Variants in PIP4K2A observed in about 807,000 individuals in gnomAD.
PIP4K2A encodes the protein phosphatidylinositol-5-phosphate 4-kinase type 2 alpha.
Under a neutral mutation model 42.9 loss-of-function variants are expected in PIP4K2A, and 14 were observed. That is an observed-to-expected ratio of 0.33 (90% CI 0.22 to 0.51). The LOEUF (loss-of-function observed/expected upper bound fraction) is 0.51, where lower values mean the gene tolerates loss of function less well. PIP4K2A is among the 20% of genes least tolerant of loss of function. The pLI is 0.97. For synonymous variants in PIP4K2A, 192 were observed against 192.2 expected (o/e 1.00, Z 0.01); for missense variants, 434 against 519.8 (o/e 0.83, Z 1.61).
chr10:22,682,670 A>G (rs1371782085), intron 1 of PIP4K2A, among the ~76,000 whole-genome samples: 1 of 152,182 alleles, frequency 6.6e-6, no homozygotes, highest in Non-Finnish European at 1.5e-5. Context: ...CAGGCCCTCC[A>G]AAACCTCAGA....
At position 22,714,488 on chromosome 10, in the gene PIP4K2A, C is replaced by A. The variant is rs1833974269; in HGVS notation, c.-162G>T. ...CCGGCGCGCTCAGCCCCACTCGGCT[C>A]GCTCCGCCCGCTCGGCCCGGCAGAC... On this transcript the variant is annotated 5_prime_UTR_variant, in exon 1 of 10. Transcript: ENST00000376573. 1.0e-5 allele frequency: 2 copies of A among 200,512 alleles called. No individual in the cohort carries two copies. Among genetic ancestry groups the A allele is most frequent in the South Asian group, 1.7e-4 (1 of 6,010 alleles). The allele number at this position is 200,512 out of a possible 1,614,324, so 12.4% of individuals were successfully genotyped here. A position where few individuals can be genotyped will look rare whatever the true frequency, so the allele number is the denominator to read the frequency against.
chr10:22,561,747 A>G (rs1278703554), intron 6 of PIP4K2A, among the ~76,000 whole-genome samples: 1 of 151,364 alleles, frequency 6.6e-6, no homozygotes, highest in African/African-American at 2.4e-5. Context: ...AATTGTTTGT[A>G]GAGTTGGGGG....
At chr10:22,621,221 C>T (rs1177645038) in intron 1 of PIP4K2A, among the ~76,000 whole-genome samples, 3 of 152,196 alleles carry the variant, frequency 2.0e-5, no homozygotes, top group Non-Finnish European at 4.4e-5. Context: ...TTTCCAGAGA[C>T]AGAAACCAAT....
intron 6 of PIP4K2A, among the ~76,000 whole-genome samples, chr10:22,556,309 T>C (rs1230390869): frequency 6.6e-6 from 1 of 152,140 alleles, no homozygotes; most frequent in Non-Finnish European, 1.5e-5. Flanking sequence ...CAAACCTCAA[T>C]TGTGAATGCT....
At chr10:22,632,702 T>C (rs926507249) in intron 1 of PIP4K2A, among the ~76,000 whole-genome samples, 1 of 152,180 alleles carries the variant, frequency 6.6e-6, no homozygotes, top group African/African-American at 2.4e-5. Flanking sequence ...TTAATTTTAC[T>C]CCATGACCTG....
rs35358870 is a variant in PIP4K2A, at chr10:22,539,912, GGAGAGAGA to G, written c.1140+51_1140+58del. 143 of 452,200 alleles carry G rather than the reference GGAGAGAGA, an allele frequency of 3.2e-4. 1 individual carries two copies. Among genetic ancestry groups the G allele is most frequent in the South Asian group, 2.3e-3 (72 of 30,736 alleles). The allele number at this position is 452,200 out of a possible 1,614,324, so 28.0% of individuals were successfully genotyped here. A position where few individuals can be genotyped will look rare whatever the true frequency, so the allele number is the denominator to read the frequency against. ...GAGAGAGAGAGAGAGAGAGAGAGAGGGAGAGAGAGAGAGAGAGAGGGAGAGAAAGAGAG... is the reference window on the plus strand; with the variant it reads ...GAGAGAGAGAGAGAGAGAGAGAGAGGGAGAGAGAGAGGGAGAGAAAGAGAG... On this transcript the variant is annotated intron_variant, in intron 9 of 9. Coordinates refer to ENST00000376573, the MANE Select transcript of PIP4K2A (RefSeq NM_005028.5).
chr10:22,603,775 G>A (rs558146428), intron 3 of PIP4K2A, among the ~76,000 whole-genome samples: 11 of 152,224 alleles, frequency 7.2e-5, no homozygotes, highest in East Asian at 3.9e-4. Flanking sequence ...ACAGGACTGC[G>A]GCTATAGTCA....
intron 7 of PIP4K2A, among the ~76,000 whole-genome samples, chr10:22,549,958 G>A (rs1418960970): frequency 6.6e-6 from 1 of 151,052 alleles, no homozygotes; most frequent in African/African-American, 2.4e-5. Context: ...TGGAAAAGCT[G>A]CAATGCCTTT....
intron 7 of PIP4K2A, among the ~76,000 whole-genome samples, chr10:22,546,883 C>T (rs779661872): frequency 6.6e-6 from 1 of 152,182 alleles, no homozygotes; most frequent in Non-Finnish European, 1.5e-5. Context: ...TATATTTGTT[C>T]TTTAAGTTTT....
Position 22,557,998 on chromosome 10 carries a change from T to G in PIP4K2A, c.679-7226A>C, listed in dbSNP as rs971313901. ...TAATACATATCATAGTACTCTGTGATTAAAGGACTTGTATTTCGGAATGAA... is the reference window on the plus strand; with the variant it reads ...TAATACATATCATAGTACTCTGTGAGTAAAGGACTTGTATTTCGGAATGAA... On this transcript the variant is annotated intron_variant, in intron 6 of 9. Transcript: ENST00000376573. Among the ~76,000 whole-genome samples the G allele has an allele frequency of 2.0e-5, 3 of 152,344 alleles. No individual in the cohort carries two copies. In the South Asian group the frequency reaches 6.2e-4, roughly 32 times the overall value.
intron 1 of PIP4K2A, among the ~76,000 whole-genome samples, chr10:22,628,868 G>A (rs563730802): frequency 6.6e-6 from 1 of 152,302 alleles, no homozygotes; most frequent in African/African-American, 2.4e-5. Flanking sequence ...GATCTGTGTT[G>A]AGGTTAATGC....
chr10:22,609,787 A>T, intron 1 of PIP4K2A, 70 bp from the exon 2 acceptor site: 1 of 885,312 alleles, frequency 1.1e-6, no homozygotes, highest in Middle Eastern at 2.7e-4. Context: ...TTGAATGTGT[A>T]CCTTGGGAAA....
chr10:22,563,443 A>C (rs1317806510), intron 6 of PIP4K2A, among the ~76,000 whole-genome samples: 1 of 152,264 alleles, frequency 6.6e-6, no homozygotes, highest in African/African-American at 2.4e-5. Flanking sequence ...TTTTGCTAAC[A>C]TAGTATGGAA....
At chr10:22,624,840 T>C (rs1468825968) in intron 1 of PIP4K2A, among the ~76,000 whole-genome samples, 1 of 152,222 alleles carries the variant, frequency 6.6e-6, no homozygotes, top group African/African-American at 2.4e-5. Context: ...TTGTTATCTT[T>C]TTGCCAAAAA....
chr10:22,596,599 G>A (rs911200240), intron 3 of PIP4K2A, among the ~76,000 whole-genome samples: 2 of 152,218 alleles, frequency 1.3e-5, no homozygotes, highest in African/African-American at 4.8e-5. Context: ...AGGAATCACA[G>A]CATGATGTTG....
intron 1 of PIP4K2A, among the ~76,000 whole-genome samples, chr10:22,643,281 C>T (rs926879645): frequency 1.3e-5 from 2 of 152,152 alleles, no homozygotes; most frequent in Non-Finnish European, 2.9e-5. Flanking sequence ...TTGTCAATAA[C>T]GTTTTATTGG....
intron 1 of PIP4K2A, among the ~76,000 whole-genome samples, chr10:22,664,112 TATAC>T (rs1377137636): frequency 1.4e-5 from 1 of 72,370 alleles, no homozygotes; most frequent in Non-Finnish European, 2.4e-5. Context: ...TACATATATA[TATAC>T]ATATATATAT....
At chr10:22,537,920 G>C (rs577172374) in intron 9 of PIP4K2A, among the ~76,000 whole-genome samples, 1 of 152,314 alleles carries the variant, frequency 6.6e-6, no homozygotes, top group South Asian at 2.1e-4. Flanking sequence ...CTCTGCAGCA[G>C]CACACAGGGG....
chr10:22,636,658 G>A (rs1023610793), intron 1 of PIP4K2A, among the ~76,000 whole-genome samples: 9 of 152,236 alleles, frequency 5.9e-5, no homozygotes, highest in Non-Finnish European at 1.2e-4. Flanking sequence ...AGGGAATAGA[G>A]ACATGTCCTT....
Sources: gnomAD v4.1 joint callset for allele counts (sites outside exome capture counted in the v4.1 genomes callset) on GRCh38, gnomAD v4.1.1 for gene constraint, MANE v1.5 for transcripts, NCBI Gene and HGNC (gene_info 2026-07-23, HGNC 2026-07-21) for gene names.